Variants in ZHX2 observed in about 807,000 individuals in gnomAD.
The protein encoded by ZHX2 is zinc fingers and homeoboxes 2.
Under a neutral mutation model 21.9 loss-of-function variants are expected in ZHX2, and 6 were observed. That is an observed-to-expected ratio of 0.27 (90% CI 0.15 to 0.54). ZHX2 has a LOEUF of 0.54. Among genes scored for constraint, ZHX2 ranks in the 20% least tolerant of loss-of-function variants. The probability of loss-of-function intolerance (pLI) is 0.95; values close to 1 mark genes in which losing one functional copy is unlikely to be tolerated. For missense variants in ZHX2, 908 were observed against 1,090.7 expected (o/e 0.83, Z 2.36); for synonymous variants, 434 against 437.1 (o/e 0.99, Z 0.09).
intron 1 of ZHX2, among the ~76,000 whole-genome samples, chr8:122,825,179 A>G (rs1276853243): frequency 6.6e-6 from 1 of 152,178 alleles, no homozygotes; most frequent in Non-Finnish European, 1.5e-5. Flanking sequence ...TGATGGCACT[A>G]TTCTGCCTGC....
chr8:122,970,130 G>C (rs1015166170), intron 3 of ZHX2, among the ~76,000 whole-genome samples: 1 of 152,160 alleles, frequency 6.6e-6, no homozygotes, highest in Non-Finnish European at 1.5e-5. Context: ...GGCTCTGAGA[G>C]GTACTCTAGG....
chr8:122,895,087 T>C (rs190744220), intron 2 of ZHX2, among the ~76,000 whole-genome samples: 1 of 152,330 alleles, frequency 6.6e-6, no homozygotes, highest in Non-Finnish European at 1.5e-5. Context: ...ATCACCAGAA[T>C]TGATTTCCCT....
intron 3 of ZHX2, among the ~76,000 whole-genome samples, chr8:122,966,231 T>C (rs1254729643): frequency 6.6e-6 from 1 of 152,188 alleles, no homozygotes; most frequent in African/African-American, 2.4e-5. Flanking sequence ...TTTCACTGTG[T>C]TACTGTTTCA....
chr8:122,908,715 T>C (rs1820405243), intron 2 of ZHX2, among the ~76,000 whole-genome samples: 1 of 152,186 alleles, frequency 6.6e-6, no homozygotes, highest in South Asian at 2.1e-4. Context: ...ACAATTAATT[T>C]TTCAGCGTAC....
chr8:122,841,958 C>G (rs1489991678), intron 1 of ZHX2, among the ~76,000 whole-genome samples: 2 of 152,172 alleles, frequency 1.3e-5, no homozygotes, highest in Non-Finnish European at 2.9e-5. Context: ...CCCTAGCTCT[C>G]TCCCTTATGG....
intron 2 of ZHX2, among the ~76,000 whole-genome samples, chr8:122,908,921 G>T (rs2129990442): frequency 6.6e-6 from 1 of 152,306 alleles, no homozygotes; most frequent in Non-Finnish European, 1.5e-5. Flanking sequence ...TGCCCCAGGG[G>T]CTGGTGGATA....
intron 2 of ZHX2, among the ~76,000 whole-genome samples, chr8:122,927,931 C>T (rs1168396319): frequency 6.6e-6 from 1 of 152,154 alleles, no homozygotes; most frequent in Non-Finnish European, 1.5e-5. Flanking sequence ...AACTTGGTGG[C>T]TTCTGAAATA....
At chr8:122,951,178 T>C in intron 2 of ZHX2, 114 bp from the exon 3 acceptor site, 1 of 268,432 alleles carries the variant, frequency 3.7e-6, no homozygotes, top group Non-Finnish European at 7.1e-6. Context: ...TGTGCATCCA[T>C]AGATGTTCGA....
chr8:122,807,138 G>A (rs370108688), intron 1 of ZHX2, among the ~76,000 whole-genome samples: 4 of 152,178 alleles, frequency 2.6e-5, no homozygotes, highest in Non-Finnish European at 5.9e-5. Context: ...TTGGATCATC[G>A]AAGCCTGGGA....
chr8:122,938,586 C>T (rs546051218), intron 2 of ZHX2, among the ~76,000 whole-genome samples: 3 of 152,098 alleles, frequency 2.0e-5, no homozygotes, highest in African/African-American at 7.2e-5. Context: ...CCTGTAATCC[C>T]AGCACTTTGG....
At chr8:122,859,245 A>G (rs1819105450) in intron 1 of ZHX2, among the ~76,000 whole-genome samples, 1 of 152,200 alleles carries the variant, frequency 6.6e-6, no homozygotes, top group Admixed American at 6.5e-5. Flanking sequence ...GGGTTCAAGG[A>G]TAAATGGAGA....
chr8:122,882,918 G>A (rs985726153), intron 2 of ZHX2, among the ~76,000 whole-genome samples: 2 of 152,132 alleles, frequency 1.3e-5, no homozygotes, highest in Non-Finnish European at 2.9e-5. Flanking sequence ...ACAGGTGGAG[G>A]TTGCAGTGAG....
chr8:122,785,025 G>A (rs1478010971), intron 1 of ZHX2, among the ~76,000 whole-genome samples: 4 of 152,200 alleles, frequency 2.6e-5, no homozygotes, highest in Non-Finnish European at 4.4e-5. Flanking sequence ...AGTTTGAGCC[G>A]ACTGCGGGGA....
At position 122,953,680 on chromosome 8, in the gene ZHX2, G is replaced by A. The variant is rs766449810; in HGVS notation, c.2170G>A (p.Gly724Ser). ...KPMAESPKNG[G>S]DVVPQYYKDP... is the part of the protein sequence containing the mutation. ...CATGGCCGAGAGCCCAAAGAACGGG[G>A]GTGATGTGGTTCCACAATATTACAA... Residue 724 changes from glycine (G) to serine (S), a missense_variant, in exon 3 of 4, where the codon GGT becomes AGT. By Grantham distance (56) the Gly-to-Ser change is moderately conservative. Around this residue, in one of 4 missense-constraint regions of ZHX2, gnomAD observed 431 missense variants for 428.6 expected, o/e 1.01. Coordinates refer to ENST00000314393, the MANE Select transcript of ZHX2 (RefSeq NM_014943.5). This position sits in a 1 kb window ranked among gnomAD's most constrained non-coding sequence, Gnocchi z 4.6. 2 of 1,614,224 alleles carry A rather than the reference G, an allele frequency of 1.2e-6. No homozygotes were observed. Among genetic ancestry groups the A allele is most frequent in the Non-Finnish European group, 1.7e-6 (2 of 1,180,050 alleles).
At chr8:122,826,008 C>A (rs1397985878) in intron 1 of ZHX2, among the ~76,000 whole-genome samples, 1 of 152,122 alleles carries the variant, frequency 6.6e-6, no homozygotes, top group African/African-American at 2.4e-5. Context: ...GAAAAGAAGC[C>A]CATTATTCCC....
intron 2 of ZHX2, among the ~76,000 whole-genome samples, chr8:122,944,627 G>A (rs73335718): frequency 0.088 from 13,309 of 152,094 alleles, 1,994 homozygotes; most frequent in African/African-American, 0.3. Context: ...AGCTCTCCAC[G>A]AGCCGCAATT....
Position 122,871,738 on chromosome 8 carries a change from A to AC in ZHX2, c.-220+8199_-220+8200insC, listed in dbSNP as rs1470646276. Among the ~76,000 whole-genome samples the AC allele has an allele frequency of 2.5e-3, 377 of 150,494 alleles. 4 individuals carry two copies. Among genetic ancestry groups the AC allele is most frequent in the African/African-American group, 8.5e-3 (350 of 41,128 alleles). ...ATTCCTTTCTCAGGGCAAAAAAAAA[A>AC]AAAAAAAAACTATGTCTGGTACAGA... On this transcript the variant is annotated intron_variant, in intron 2 of 3. Coordinates refer to ENST00000314393, the MANE Select transcript of ZHX2 (RefSeq NM_014943.5).
intron 1 of ZHX2, among the ~76,000 whole-genome samples, chr8:122,853,483 C>A (rs1020024456): frequency 6.6e-6 from 1 of 152,112 alleles, no homozygotes; most frequent in Non-Finnish European, 1.5e-5. Flanking sequence ...CTGGAACTCC[C>A]GGTCATGTAA....
At chr8:122,903,612 A>G (rs1820281315) in intron 2 of ZHX2, among the ~76,000 whole-genome samples, 1 of 152,234 alleles carries the variant, frequency 6.6e-6, no homozygotes, top group Non-Finnish European at 1.5e-5. Flanking sequence ...CACAGAGGCT[A>G]GAACTCTGAA....
Sources: gnomAD v4.1 joint callset for allele counts (sites outside exome capture counted in the v4.1 genomes callset) on GRCh38, gnomAD v4.1.1 for gene constraint, gnomAD v4.1.1 regional missense constraint, Gnocchi (gnomAD v3.1) non-coding constraint, MANE v1.5 for transcripts, NCBI Gene and HGNC (gene_info 2026-07-23, HGNC 2026-07-21) for gene names.